The following SLC25A48 variants were observed in gnomAD, a reference collection of about 807,000 sequenced individuals.
SLC25A48 encodes the protein solute carrier family 25 member 48, also known as CTC-321K16.1.
Under a neutral mutation model 32.2 loss-of-function variants are expected in SLC25A48, and 29 were observed. The observed-to-expected ratio is 0.90, with a 90% CI of 0.67 to 1.23. The LOEUF (loss-of-function observed/expected upper bound fraction) is 1.23. Among genes scored for constraint, SLC25A48 ranks in the 50% most tolerant of loss-of-function variants. The probability of loss-of-function intolerance (pLI) is 0.00; values close to 1 mark genes in which losing one functional copy is unlikely to be tolerated. For missense variants in SLC25A48, 399 were observed against 422.7 expected, an observed-to-expected ratio of 0.94 and a Z score of 0.49; for synonymous variants, 164 against 172.3, an observed-to-expected ratio of 0.95 and a Z score of 0.38.
At chr5:135,765,331 T>A (rs1756183933) in intron 3 of SLC25A48, among the ~76,000 whole-genome samples, 1 of 151,444 alleles carries the variant, frequency 6.6e-6, no homozygotes, top group African/African-American at 2.4e-5. Flanking sequence ...GTGGGGGGTG[T>A]GATATGGTTC....
chr5:135,647,488 C>T (rs1331074325), intron 3 of SLC25A48, among the ~76,000 whole-genome samples: 1 of 148,728 alleles, frequency 6.7e-6, no homozygotes, highest in Non-Finnish European at 1.5e-5. Context: ...AACATCTTGT[C>T]CCCAAATCTC....
intron 4 of SLC25A48, among the ~76,000 whole-genome samples, chr5:135,868,853 A>T (rs1201708780): frequency 6.6e-6 from 1 of 152,036 alleles, no homozygotes; most frequent in Non-Finnish European, 1.5e-5. Context: ...TCAATCAATA[A>T]CTCCTGAAAG....
intron 3 of SLC25A48, among the ~76,000 whole-genome samples, chr5:135,749,067 C>A (rs919112123): frequency 6.6e-6 from 1 of 152,034 alleles, no homozygotes; most frequent in Non-Finnish European, 1.5e-5. Flanking sequence ...TCCTGATGTC[C>A]CTTAAGACAT....
chr5:135,641,436 C>G (rs558790820), intron 3 of SLC25A48, among the ~76,000 whole-genome samples: 1 of 152,222 alleles, frequency 6.6e-6, no homozygotes, highest in South Asian at 2.1e-4. Context: ...AGAAGAGGGA[C>G]TTGTGGGGCT....
At chr5:135,876,444 G>T (rs1762066852) in intron 6 of SLC25A48, 1 of 152,088 alleles carries the variant, frequency 6.6e-6, no homozygotes, top group Admixed American at 6.5e-5. Context: ...TTCAGAGACA[G>T]GTTTTAAGTC....
intron 3 of SLC25A48, among the ~76,000 whole-genome samples, chr5:135,851,791 G>A (rs369024310): frequency 2.6e-5 from 4 of 152,114 alleles, no homozygotes; most frequent in Non-Finnish European, 4.4e-5. Flanking sequence ...GGAATTTTCC[G>A]GTTTTCCTCA....
chr5:135,612,270 A>G (rs1174741281), intron 1 of SLC25A48, among the ~76,000 whole-genome samples: 1 of 152,174 alleles, frequency 6.6e-6, no homozygotes, highest in Non-Finnish European at 1.5e-5. Flanking sequence ...GATGCCTACT[A>G]TTTTACATAT....
At chr5:135,819,615 A>G (rs184890655) in intron 4 of SLC25A48, among the ~76,000 whole-genome samples, 236 of 152,330 alleles carry the variant, frequency 1.5e-3, no homozygotes, top group Non-Finnish European at 2.9e-3. Flanking sequence ...TGGATTATAA[A>G]ACTGAATGAG....
intron 3 of SLC25A48, among the ~76,000 whole-genome samples, chr5:135,666,070 G>A (rs1753518790): frequency 1.3e-5 from 2 of 152,162 alleles, no homozygotes; most frequent in Non-Finnish European, 2.9e-5. Context: ...CGGTCATCCT[G>A]TGCCATGAAC....
chr5:135,806,973 T>A (rs144141582), intron 3 of SLC25A48, among the ~76,000 whole-genome samples: 24 of 150,596 alleles, frequency 1.6e-4, no homozygotes, highest in African/African-American at 5.5e-4. Context: ...AATAACTGTG[T>A]TAAAACACAG....
chr5:135,853,359 G>T (rs1354796256), intron 4 of SLC25A48, among the ~76,000 whole-genome samples: 1 of 152,134 alleles, frequency 6.6e-6, no homozygotes, highest in Admixed American at 6.5e-5. Context: ...AGCATGAGAC[G>T]CTGTTTGATG....
chr5:135,829,245 G>C (rs1019585481), intron 4 of SLC25A48, among the ~76,000 whole-genome samples: 1 of 152,144 alleles, frequency 6.6e-6, no homozygotes, highest in Non-Finnish European at 1.5e-5. Flanking sequence ...CAGGCTTTCA[G>C]ATGGGACCTT....
At chr5:135,818,207 G>A (rs1757789296) in intron 4 of SLC25A48, among the ~76,000 whole-genome samples, 1 of 151,746 alleles carries the variant, frequency 6.6e-6, no homozygotes, top group African/African-American at 2.4e-5. Flanking sequence ...CAAAAGGATG[G>A]CTACTCTAGA....
intron 1 of SLC25A48, among the ~76,000 whole-genome samples, chr5:135,838,386 A>C (rs1193601196): frequency 6.6e-6 from 1 of 152,260 alleles, no homozygotes; most frequent in South Asian, 2.1e-4. Context: ...TTGCAGCCTA[A>C]CAATGCAATA....
At chr5:135,851,666 C>T (rs376969386) in intron 3 of SLC25A48, among the ~76,000 whole-genome samples, 7 of 152,158 alleles carry the variant, frequency 4.6e-5, no homozygotes, top group South Asian at 2.1e-4. Flanking sequence ...GTACAGTGTG[C>T]GCAGTGAGGA....
At chr5:135,724,511 C>T (rs868365475) in intron 3 of SLC25A48, among the ~76,000 whole-genome samples, 19 of 152,334 alleles carry the variant, frequency 1.2e-4, no homozygotes, top group South Asian at 8.3e-4. Context: ...CCCCACAGTG[C>T]GTCTCTCTTT....
intron 3 of SLC25A48, among the ~76,000 whole-genome samples, chr5:135,677,514 T>C (rs1753799649): frequency 6.6e-6 from 1 of 152,144 alleles, no homozygotes; most frequent in Admixed American, 6.5e-5. Context: ...TTTTATTCCT[T>C]TCTTTTTCTC....
chr5:135,775,620 C>T (rs1475984481), intron 3 of SLC25A48, among the ~76,000 whole-genome samples: 1 of 151,158 alleles, frequency 6.6e-6, no homozygotes, highest in Non-Finnish European at 1.5e-5. Flanking sequence ...GAGGTGTACC[C>T]CATGCCTGTG....
In SLC25A48 at chr5:135,586,450, T is replaced by C. The variant is rs140556942; in HGVS notation, c.-849+6853T>C. 3.5e-4 allele frequency among the ~76,000 whole-genome samples: 54 copies of C among 152,376 alleles called. No homozygotes were observed. The East Asian group carries it at 9.6e-3, about 27-fold the overall frequency. On this transcript the variant is annotated intron_variant, in intron 1 of 10. Transcript: ENST00000646290. ...TTCAAATTTAACTTGTGGCCTGTAT[T>C]TTAACTGGCAACCCTACATCCAGTA...
Sources: gnomAD v4.1 joint callset for allele counts (sites outside exome capture counted in the v4.1 genomes callset) on GRCh38, gnomAD v4.1.1 for gene constraint, MANE v1.5 for transcripts, NCBI Gene and HGNC (gene_info 2026-07-23, HGNC 2026-07-21) for gene names.